Variants in GSDMC observed in about 807,000 individuals in gnomAD.
GSDMC encodes the protein gasdermin C.
Under a neutral mutation model 58.0 loss-of-function variants are expected in GSDMC, and 59 were observed. The observed-to-expected ratio is 1.02, with a 90% confidence interval of 0.82 to 1.26. GSDMC has a LOEUF of 1.26. Ranked by LOEUF, GSDMC falls within the 50% of genes most tolerant of loss-of-function variation. GSDMC has a pLI of 0.00. For missense variants in GSDMC, 659 were observed against 598.5 expected (o/e 1.10, Z -1.06); for synonymous variants, 241 against 220.2 (o/e 1.09, Z -0.83).
chr8:129,758,143 A>G (rs1563795478), intron 6 of GSDMC, among the ~76,000 whole-genome samples: 1 of 152,246 alleles, frequency 6.6e-6, no homozygotes, highest in Non-Finnish European at 1.5e-5. Flanking sequence ...TGATGCTAAA[A>G]AGGTATTTCA....
At chr8:129,714,480 GAGGCAAA>G in the GSDMC span, among the ~76,000 whole-genome samples, 1 of 152,180 alleles carries the variant, frequency 6.6e-6, no homozygotes, top group Non-Finnish European at 1.5e-5. Context: ...CAGTGCCTGG[GAGGCAAA>G]AGAGACTTTA....
chr8:129,729,298 C>T, the GSDMC span: 2 of 574,832 alleles, frequency 3.5e-6, no homozygotes, highest in Non-Finnish European at 3.3e-6. Context: ...CCTATAGGCA[C>T]ATGAAATTTG....
At chr8:129,742,170 G>T in the GSDMC span, among the ~76,000 whole-genome samples, 9 of 151,926 alleles carry the variant, frequency 5.9e-5, no homozygotes, top group Non-Finnish European at 2.9e-5. Flanking sequence ...AGAGATGTTG[G>T]TCAAAGAGTA....
chr8:129,730,441 T>C, the GSDMC span: 1 of 1,085,190 alleles, frequency 9.2e-7, no homozygotes, highest in Non-Finnish European at 1.3e-6. Context: ...TCCCAAAAAG[T>C]TTAAGTTGAT....
At chr8:129,783,082 T>C (rs1007544330) in intron 1 of GSDMC, among the ~76,000 whole-genome samples, 7 of 152,238 alleles carry the variant, frequency 4.6e-5, no homozygotes, top group Admixed American at 3.3e-4. Context: ...TGATACATTA[T>C]AGCAAGAAAA....
chr8:129,776,767 G>T (rs750664314), intron 2 of GSDMC, among the ~76,000 whole-genome samples: 38 of 151,830 alleles, frequency 2.5e-4, no homozygotes, highest in South Asian at 4.2e-4. Flanking sequence ...TGTTTTTGTT[G>T]TTGTTGTTGT....
the GSDMC span, among the ~76,000 whole-genome samples, chr8:129,736,818 G>T: frequency 1.3e-5 from 2 of 152,056 alleles, no homozygotes. Context: ...AGAAATGAAG[G>T]GTATTCAATT....
chr8:129,717,606 A>G, the GSDMC span, among the ~76,000 whole-genome samples: 2 of 152,180 alleles, frequency 1.3e-5, no homozygotes, highest in Non-Finnish European at 2.9e-5. Context: ...AAAGTGATTT[A>G]TAGATTTGAT....
chr8:129,716,351 C>T, the GSDMC span, among the ~76,000 whole-genome samples: 2 of 151,944 alleles, frequency 1.3e-5, no homozygotes, highest in Admixed American at 1.3e-4. Context: ...AAGAAAGATG[C>T]ATTTGGTATT....
chr8:129,730,158 C>G, the GSDMC span: 1 of 1,043,882 alleles, frequency 9.6e-7, no homozygotes. Flanking sequence ...AAATAAAGAG[C>G]TGGCTATGAA....
the GSDMC span, among the ~76,000 whole-genome samples, chr8:129,725,583 A>G: frequency 6.6e-6 from 1 of 152,072 alleles, no homozygotes; most frequent in African/African-American, 2.4e-5. Flanking sequence ...TCTTCTTTCC[A>G]TTTGTTGCTT....
intron 6 of GSDMC, among the ~76,000 whole-genome samples, chr8:129,753,658 G>C (rs530498546): frequency 6.6e-6 from 1 of 152,348 alleles, no homozygotes; most frequent in Admixed American, 6.5e-5. Context: ...TTAGGTACCA[G>C]TTCAGCCACA....
chr8:129,756,914 G>A (rs2033462121), intron 6 of GSDMC, among the ~76,000 whole-genome samples: 1 of 151,982 alleles, frequency 6.6e-6, no homozygotes, highest in African/African-American at 2.4e-5. Flanking sequence ...GCAGTACAAA[G>A]AGGCATATTT....
At chr8:129,717,646 C>G in the GSDMC span, among the ~76,000 whole-genome samples, 1 of 152,096 alleles carries the variant, frequency 6.6e-6, no homozygotes, top group Non-Finnish European at 1.5e-5. Flanking sequence ...CATTGACTTT[C>G]CTCACAGAAT....
intron 6 of GSDMC, 60 bp from the exon 7 acceptor site, chr8:129,752,880 T>C: frequency 6.2e-7 from 1 of 1,610,702 alleles, no homozygotes; most frequent in Admixed American, 1.7e-5. Context: ...AGTACTGCCT[T>C]GTCATAGCAG....
At chr8:129,717,425 T>C in the GSDMC span, among the ~76,000 whole-genome samples, 1 of 152,246 alleles carries the variant, frequency 6.6e-6, no homozygotes, top group African/African-American at 2.4e-5. Context: ...TGTAGAGGTT[T>C]GTATTTCTGT....
downstream of GSDMC, among the ~76,000 whole-genome samples, chr8:129,746,978 G>A (rs578186872): frequency 2.0e-5 from 3 of 152,116 alleles, no homozygotes; most frequent in African/African-American, 7.2e-5. Flanking sequence ...GACTGGGAAC[G>A]GTGGCTCACA....
intron 4 of GSDMC, 68 bp downstream of exon 4, chr8:129,765,560 T>C (rs2033825276): frequency 8.8e-7 from 1 of 1,137,466 alleles, no homozygotes; most frequent in Non-Finnish European, 1.3e-6. Context: ...CCCTAGGAAA[T>C]GAAGCTTGGC....
chr8:129,775,927 C>T (rs2034208293), intron 3 of GSDMC, among the ~76,000 whole-genome samples, 175 bp downstream of exon 3: 1 of 152,114 alleles, frequency 6.6e-6, no homozygotes, highest in South Asian at 2.1e-4. Flanking sequence ...AGGTAACTAA[C>T]AGCTATTACT....
Sources: gnomAD v4.1 joint callset for allele counts (sites outside exome capture counted in the v4.1 genomes callset) on GRCh38, gnomAD v4.1.1 for gene constraint, MANE v1.5 for transcripts, NCBI Gene and HGNC (gene_info 2026-07-23, HGNC 2026-07-21) for gene names.